Variants in NAALADL2 observed in about 807,000 individuals in gnomAD.
NAALADL2 encodes the protein N-acetylated alpha-linked acidic dipeptidase like 2.
A neutral mutation model predicts 87.2 loss-of-function variants in NAALADL2; 76 were observed. The observed-to-expected ratio is 0.87, with a 90% CI of 0.72 to 1.05. NAALADL2 has a LOEUF of 1.05. Among genes scored for constraint, NAALADL2 ranks in the 50% least tolerant of loss-of-function variants. The pLI is 0.00. For missense variants in NAALADL2, 1,089 were observed against 945.8 expected (o/e 1.15, Z -1.99); for synonymous variants, 354 against 331.0 (o/e 1.07, Z -0.75).
chr3:174,863,949 G>A (rs1007086645), intron 1 of NAALADL2: 46 of 411,076 alleles, frequency 1.1e-4, no homozygotes, highest in African/African-American at 8.8e-4. Flanking sequence ...TTTCAGAGTT[G>A]ACATTTAGAT....
At chr3:174,957,648 T>A (rs372318450) in intron 1 of NAALADL2, among the ~76,000 whole-genome samples, 14 of 152,058 alleles carry the variant, frequency 9.2e-5, no homozygotes, top group African/African-American at 3.4e-4. Flanking sequence ...AAACATTCCA[T>A]TGACCAGTGT....
chr3:174,929,959 A>T (rs1478638106), intron 1 of NAALADL2, among the ~76,000 whole-genome samples: 1 of 152,174 alleles, frequency 6.6e-6, no homozygotes, highest in Non-Finnish European at 1.5e-5. Context: ...TATAGTATGT[A>T]CTCAATAATA....
chr3:175,087,293 C>T (rs1719167159), intron 1 of NAALADL2, among the ~76,000 whole-genome samples: 1 of 152,148 alleles, frequency 6.6e-6, no homozygotes, highest in South Asian at 2.1e-4. Context: ...TGGGGGGCAG[C>T]CCCCGCCCTG....
At chr3:175,419,325 T>C in intron 5 of NAALADL2, among the ~76,000 whole-genome samples, 1 of 152,076 alleles carries the variant, frequency 6.6e-6, no homozygotes, top group South Asian at 2.1e-4. Context: ...TATACTTGTA[T>C]GTCCTCTGTT....
At chr3:175,686,008 C>A (rs1474844968) in intron 11 of NAALADL2, among the ~76,000 whole-genome samples, 1 of 152,328 alleles carries the variant, frequency 6.6e-6, no homozygotes, top group Admixed American at 6.5e-5. Flanking sequence ...AATGTATAAA[C>A]AAATAATTGT....
chr3:174,470,989 A>T (rs2108310551), intron 1 of NAALADL2, among the ~76,000 whole-genome samples: 1 of 151,820 alleles, frequency 6.6e-6, no homozygotes, highest in African/African-American at 2.4e-5. Context: ...AGTTATTTTT[A>T]TTTTTTTTCT....
chr3:175,432,398 A>G (rs1384665772), intron 5 of NAALADL2, among the ~76,000 whole-genome samples: 3 of 151,990 alleles, frequency 2.0e-5, no homozygotes, highest in Non-Finnish European at 4.4e-5. Flanking sequence ...ATCCCCTTTG[A>G]TGGTACTAAT....
intron 5 of NAALADL2, among the ~76,000 whole-genome samples, chr3:175,412,891 T>TTTATTATTATCATTA (rs1713806767): frequency 1.6e-5 from 2 of 123,012 alleles, no homozygotes; most frequent in Non-Finnish European, 3.3e-5. Flanking sequence ...ATTTAATTTA[T>TTTATTATTATCATTA]TTATTATTAT....
chr3:175,609,207 G>A (rs1311967652), intron 10 of NAALADL2, among the ~76,000 whole-genome samples: 1 of 151,910 alleles, frequency 6.6e-6, no homozygotes, highest in Admixed American at 6.6e-5. Flanking sequence ...CAATTCAACT[G>A]AGACAGCCAG....
chr3:174,816,412 G>GTA (rs1720817622), intron 3 of NAALADL2, among the ~76,000 whole-genome samples: 2 of 100,392 alleles, frequency 2.0e-5, no homozygotes, highest in African/African-American at 5.3e-5. Context: ...GTATGTGTGT[G>GTA]CGTGTGTGTG....
intron 3 of NAALADL2, among the ~76,000 whole-genome samples, chr3:174,845,453 C>T (rs1418271727): frequency 6.6e-6 from 1 of 152,164 alleles, no homozygotes; most frequent in African/African-American, 2.4e-5. Flanking sequence ...GGCAGGGCAC[C>T]TCTTGGCTGG....
intron 11 of NAALADL2, among the ~76,000 whole-genome samples, chr3:175,646,612 T>C (rs1730042954): frequency 1.3e-5 from 2 of 152,130 alleles, no homozygotes; most frequent in African/African-American, 4.8e-5. Context: ...CCCTATGATG[T>C]TCTATTAACT....
At chr3:174,872,383 AG>A (rs1231381147) in intron 1 of NAALADL2, among the ~76,000 whole-genome samples, 1 of 152,184 alleles carries the variant, frequency 6.6e-6, no homozygotes, top group African/African-American at 2.4e-5. Context: ...ACTAGGTGGC[AG>A]AGCCGGGATT....
chr3:175,388,820 A>G (rs181209057), intron 5 of NAALADL2, among the ~76,000 whole-genome samples: 1 of 152,290 alleles, frequency 6.6e-6, no homozygotes, highest in East Asian at 1.9e-4. Flanking sequence ...TCTAACTGTC[A>G]GAACCAAATC....
At chr3:174,738,389 T>C (rs1733419268) in intron 3 of NAALADL2, among the ~76,000 whole-genome samples, 1 of 152,226 alleles carries the variant, frequency 6.6e-6, no homozygotes, top group Admixed American at 6.5e-5. Flanking sequence ...GACAAATCTT[T>C]TAACTCTTCT....
intron 2 of NAALADL2, among the ~76,000 whole-genome samples, chr3:175,118,311 C>T (rs1462774074): frequency 2.6e-5 from 4 of 151,508 alleles, no homozygotes; most frequent in African/African-American, 7.3e-5. Flanking sequence ...TCCTCTAAGT[C>T]TCGATAGTAG....
chr3:175,073,203 T>C (rs1351206405), intron 1 of NAALADL2, among the ~76,000 whole-genome samples: 1 of 152,088 alleles, frequency 6.6e-6, no homozygotes, highest in East Asian at 1.9e-4. Context: ...ATTGTTTGAT[T>C]AGTGATTTTT....
chr3:175,206,244 C>CTATATA (rs200530639), intron 2 of NAALADL2, among the ~76,000 whole-genome samples: 5 of 107,984 alleles, frequency 4.6e-5, no homozygotes, highest in Non-Finnish European at 5.1e-5. Flanking sequence ...GGATAAAAAA[C>CTATATA]TATATATATA....
chr3:174,496,799 T>C (rs1223853016), intron 1 of NAALADL2, among the ~76,000 whole-genome samples: 1 of 152,114 alleles, frequency 6.6e-6, no homozygotes, highest in Non-Finnish European at 1.5e-5. Flanking sequence ...CTTTATAACC[T>C]CCGTAATTTT....
Sources: gnomAD v4.1 joint callset for allele counts (sites outside exome capture counted in the v4.1 genomes callset) on GRCh38, gnomAD v4.1.1 for gene constraint, MANE v1.5 for transcripts, NCBI Gene and HGNC (gene_info 2026-07-23, HGNC 2026-07-21) for gene names.